Variants in THRB observed in about 807,000 individuals in gnomAD.
THRB encodes nuclear receptor subfamily 1 group A member 2.
Under a neutral mutation model 47.8 loss-of-function variants are expected in THRB, and 12 were observed. The observed-to-expected ratio is 0.25, with a 90% CI of 0.16 to 0.41. THRB has a LOEUF of 0.41. Among genes scored for constraint, THRB ranks in the 10% least tolerant of loss-of-function variants. The pLI is 1.00. For missense variants in THRB, 348 were observed against 589.2 expected, an observed-to-expected ratio of 0.59 and a Z score of 4.24; for synonymous variants, 218 against 212.2, an observed-to-expected ratio of 1.03 and a Z score of -0.24.
intron 1 of THRB, among the ~76,000 whole-genome samples, chr3:24,400,606 A>G (rs1333498910): frequency 6.6e-6 from 1 of 151,994 alleles, no homozygotes; most frequent in Non-Finnish European, 1.5e-5. Context: ...CAGGCGTCCA[A>G]CTCCTTCAAA....
intron 3 of THRB, among the ~76,000 whole-genome samples, chr3:24,232,495 T>C (rs2048355732): frequency 6.6e-6 from 1 of 152,158 alleles, no homozygotes. Flanking sequence ...ACCCCAGACC[T>C]TTAGGCCCTT....
At position 24,450,737 on chromosome 3, in the gene THRB, T is replaced by C. The variant is rs532661567; in HGVS notation, c.-261+43915A>G. Among the ~76,000 whole-genome samples, 117 of 151,982 alleles carry C rather than the reference T, an allele frequency of 7.7e-4. 2 individuals carry two copies. The highest frequency in any genetic ancestry group is 2.8e-3 in the African/African-American group (115 of 41,484). On this transcript the variant is annotated intron_variant, in intron 1 of 10. Transcript: ENST00000646209. ...GATGCCAATCTATAGTAGGCTCAGC[T>C]TTTTTTTGAGAGAGAGATTAAGGTG...
chr3:24,479,115 G>A (rs774222597), intron 1 of THRB, among the ~76,000 whole-genome samples: 31 of 152,078 alleles, frequency 2.0e-4, no homozygotes, highest in Non-Finnish European at 3.4e-4. Context: ...TGGCTAACAC[G>A]GTGAAACCCC....
intron 3 of THRB, among the ~76,000 whole-genome samples, chr3:24,245,486 G>C (rs948461010): frequency 3.9e-5 from 6 of 152,294 alleles, no homozygotes; most frequent in African/African-American, 1.4e-4. Flanking sequence ...CAGAAGTGCA[G>C]AGGGCCATTA....
chr3:24,377,511 G>A (rs533396264), intron 1 of THRB, among the ~76,000 whole-genome samples: 67 of 152,230 alleles, frequency 4.4e-4, no homozygotes, highest in African/African-American at 1.6e-3. Context: ...ATAGAGATGT[G>A]GCTGTGGTGA....
intron 2 of THRB, among the ~76,000 whole-genome samples, chr3:24,320,496 C>T (rs1050824260): frequency 2.0e-5 from 3 of 152,122 alleles, no homozygotes; most frequent in South Asian, 4.1e-4. Flanking sequence ...CCAGCCCTCC[C>T]ATCACTGTGA....
intron 5 of THRB, among the ~76,000 whole-genome samples, chr3:24,185,556 G>A (rs1272904417): frequency 6.6e-6 from 1 of 152,206 alleles, no homozygotes; most frequent in Non-Finnish European, 1.5e-5. Context: ...CTGAGAATCA[G>A]TTTTAAAAAT....
chr3:24,128,631 G>T (rs892704710), intron 9 of THRB, among the ~76,000 whole-genome samples: 1 of 152,168 alleles, frequency 6.6e-6, no homozygotes, highest in Non-Finnish European at 1.5e-5. Context: ...TGTGTTTGAT[G>T]AATTGGGCAT....
At chr3:24,130,372 T>C (rs1467024375) in intron 9 of THRB, among the ~76,000 whole-genome samples, 3 of 152,230 alleles carry the variant, frequency 2.0e-5, no homozygotes, top group African/African-American at 7.2e-5. Flanking sequence ...AGATGGCTGC[T>C]GCTTCTGTTT....
chr3:24,471,346 T>C (rs2074554891), intron 1 of THRB, among the ~76,000 whole-genome samples: 1 of 152,196 alleles, frequency 6.6e-6, no homozygotes, highest in African/African-American at 2.4e-5. Flanking sequence ...GCCGCTCAAG[T>C]TTGAGAACCA....
intron 2 of THRB, among the ~76,000 whole-genome samples, chr3:24,300,604 T>C (rs1368896415): frequency 6.6e-6 from 1 of 152,190 alleles, no homozygotes; most frequent in Non-Finnish European, 1.5e-5. Flanking sequence ...TTTTTATTAA[T>C]AGAGTTTGCC....
chr3:24,434,698 G>A (rs1189125542), intron 1 of THRB, among the ~76,000 whole-genome samples: 2 of 152,196 alleles, frequency 1.3e-5, no homozygotes, highest in African/African-American at 2.4e-5. Flanking sequence ...TCCTTCACAA[G>A]AGGGTCTTGA....
At chr3:24,278,958 C>CT (rs1223666660) in intron 3 of THRB, among the ~76,000 whole-genome samples, 3 of 152,094 alleles carry the variant, frequency 2.0e-5, no homozygotes, top group African/African-American at 7.2e-5. Flanking sequence ...GATCCTTCCC[C>CT]CTCAGCCTCC....
intron 5 of THRB, among the ~76,000 whole-genome samples, chr3:24,184,344 G>A (rs2042294781): frequency 6.6e-6 from 1 of 152,186 alleles, no homozygotes; most frequent in Non-Finnish European, 1.5e-5. Flanking sequence ...AGAGTATGAT[G>A]AGAGGTATGG....
At chr3:24,157,912 G>A (rs934472398) in intron 5 of THRB, among the ~76,000 whole-genome samples, 3 of 152,076 alleles carry the variant, frequency 2.0e-5, no homozygotes, top group African/African-American at 7.2e-5. Context: ...TCCTTTTGCC[G>A]TCCCTGTACA....
At chr3:24,331,919 C>T (rs1174562610) in intron 2 of THRB, among the ~76,000 whole-genome samples, 1 of 152,154 alleles carries the variant, frequency 6.6e-6, no homozygotes, top group Admixed American at 6.5e-5. Flanking sequence ...AGATCAGTCC[C>T]TTGAAAGCCC....
chr3:24,140,891 G>A (rs773077487), intron 8 of THRB, among the ~76,000 whole-genome samples: 1 of 152,228 alleles, frequency 6.6e-6, no homozygotes, highest in Non-Finnish European at 1.5e-5. Flanking sequence ...CAAGTGTGGA[G>A]GCTGAATGGA....
At position 24,404,349 on chromosome 3, in the gene THRB, A is replaced by C. The variant is rs76666921; in HGVS notation, c.-260-66978T>G. ...TTGCAACTGTCCTTGAAGAATCTAC[A>C]ACTTGTTGAGTTTTGGTGTAGTATC... is the stretch of plus-strand genomic sequence containing the variant. On this transcript the variant is annotated intron_variant, in intron 1 of 10. Coordinates refer to ENST00000646209, the MANE Select transcript of THRB (RefSeq NM_001354712.2). 4.4e-3 allele frequency among the ~76,000 whole-genome samples: 669 copies of C among 152,056 alleles called. 4 individuals are homozygous for C. The highest frequency in any genetic ancestry group is 0.015 in the African/African-American group (643 of 41,542).
chr3:24,284,893 C>T (rs568599562), intron 3 of THRB, among the ~76,000 whole-genome samples: 1 of 152,300 alleles, frequency 6.6e-6, no homozygotes, highest in South Asian at 2.1e-4. Context: ...TACCATTTCA[C>T]ACCAGTTAGA....
Sources: allele counts gnomAD v4.1 joint callset (sites outside exome capture counted in the v4.1 genomes callset), GRCh38; gene constraint gnomAD v4.1.1; transcripts MANE v1.5; gene names NCBI Gene and HGNC (gene_info 2026-07-23, HGNC 2026-07-21).